Variants in PTPRD observed in about 807,000 individuals in gnomAD.
PTPRD encodes protein tyrosine phosphatase receptor type D, also known as receptor-type tyrosine-protein phosphatase delta.
A neutral mutation model predicts 214.5 loss-of-function variants in PTPRD; 34 were observed. The ratio of observed to expected loss-of-function variants is 0.16; its 90% CI spans 0.12 to 0.21. The LOEUF is 0.21. Among genes scored for constraint, PTPRD ranks in the 10% least tolerant of loss-of-function variants. The pLI is 1.00. For synonymous variants in PTPRD, 1,128 were observed against 845.7 expected, an observed-to-expected ratio of 1.33 and a Z score of -5.79; for missense variants, 2,545 against 2,398.7, an observed-to-expected ratio of 1.06 and a Z score of -1.27.
intron 2 of PTPRD, among the ~76,000 whole-genome samples, chr9:10,411,435 T>C (rs968699224): frequency 2.0e-5 from 3 of 151,804 alleles, no homozygotes; most frequent in Non-Finnish European, 2.9e-5. Context: ...ACATGTTTAA[T>C]TTCTCCTTCA....
intron 33 of PTPRD, among the ~76,000 whole-genome samples, chr9:8,454,811 A>AGTGTGTGTGTGTGTGTGTGTGT (rs3043784): frequency 1.3e-5 from 2 of 148,644 alleles, no homozygotes; most frequent in African/African-American, 4.9e-5. Flanking sequence ...CTGAATACAT[A>AGTGTGTGTGTGTGTGTGTGTGT]GTGTGTGTGT....
In PTPRD at chr9:9,599,537, G is replaced by A. The variant is rs1445931715; in HGVS notation, c.-286-24756C>T. ...TCTGGAACTTTTTACCTTGGCTGGT[G>A]TTACTCATTCTATTCTTCAGGTATC... On this transcript the variant is annotated intron_variant, in intron 7 of 45. Coordinates refer to ENST00000381196, the MANE Select transcript of PTPRD (RefSeq NM_002839.4). Among the ~76,000 whole-genome samples, 4 of 152,110 alleles carry A rather than the reference G, an allele frequency of 2.6e-5. No homozygotes were observed. The East Asian group carries it at 7.8e-4, about 30-fold the overall frequency.
chr9:10,545,993 A>G (rs17791893), intron 2 of PTPRD, among the ~76,000 whole-genome samples: 2,815 of 152,240 alleles, frequency 0.018, 33 homozygotes, highest in Non-Finnish European at 0.03. Context: ...TATAAGAAGT[A>G]GTGCAAACAA....
At chr9:10,129,508 T>C (rs1309148454) in intron 3 of PTPRD, among the ~76,000 whole-genome samples, 1 of 150,408 alleles carries the variant, frequency 6.6e-6, no homozygotes, top group African/African-American at 2.4e-5. Flanking sequence ...CCTTTTTTTT[T>C]TTTTTTTTCT....
At chr9:10,492,692 T>C (rs1361690942) in intron 2 of PTPRD, among the ~76,000 whole-genome samples, 1 of 152,136 alleles carries the variant, frequency 6.6e-6, no homozygotes, top group Non-Finnish European at 1.5e-5. Flanking sequence ...GACTTTCTTT[T>C]GATGTGCAGA....
At chr9:9,099,965 G>A (rs779709157) in intron 10 of PTPRD, among the ~76,000 whole-genome samples, 7 of 152,098 alleles carry the variant, frequency 4.6e-5, no homozygotes, top group South Asian at 2.1e-4. Context: ...AGTGTGTGAC[G>A]TTAATATGCA....
rs182392852 is a variant in PTPRD at position 9,568,668 on chromosome 9, A to G, written c.-237+6064T>C. ...CTCTATGACGTTTACACATTTTTTTAAACGATAATCAGATGCTATGTCCCT... is the reference window on the plus strand; with the variant it reads ...CTCTATGACGTTTACACATTTTTTTGAACGATAATCAGATGCTATGTCCCT... On this transcript the variant is annotated intron_variant, in intron 8 of 45. Coordinates refer to ENST00000381196, the MANE Select transcript of PTPRD (RefSeq NM_002839.4). Among the ~76,000 whole-genome samples the G allele has an allele frequency of 2.2e-4, 34 of 152,018 alleles. 1 individual carries two copies. Among genetic ancestry groups the G allele is most frequent in the African/African-American group, 7.7e-4 (32 of 41,528 alleles).
At chr9:8,402,730 C>T (rs969221407) in intron 36 of PTPRD, among the ~76,000 whole-genome samples, 26 of 151,786 alleles carry the variant, frequency 1.7e-4, no homozygotes, top group African/African-American at 6.3e-4. Flanking sequence ...AAATGGAAAA[C>T]ATAGAGATAA....
At chr9:10,110,354 C>T (rs1157401175) in intron 3 of PTPRD, among the ~76,000 whole-genome samples, 1 of 152,094 alleles carries the variant, frequency 6.6e-6, no homozygotes, top group African/African-American at 2.4e-5. Context: ...GTCTTAGGTT[C>T]GGTCCTTTCT....
intron 2 of PTPRD, among the ~76,000 whole-genome samples, chr9:10,356,384 T>C (rs1211120968): frequency 6.6e-6 from 1 of 152,210 alleles, no homozygotes; most frequent in Non-Finnish European, 1.5e-5. Context: ...ATTGGTTTGT[T>C]CTATATACTC....
At chr9:10,203,392 C>G (rs1313062386) in intron 3 of PTPRD, among the ~76,000 whole-genome samples, 2 of 151,960 alleles carry the variant, frequency 1.3e-5, no homozygotes, top group Non-Finnish European at 2.9e-5. Flanking sequence ...TTTTATACTA[C>G]AGTTTGTCAG....
chr9:10,592,016 T>G (rs1004855794), intron 2 of PTPRD, among the ~76,000 whole-genome samples: 1 of 152,116 alleles, frequency 6.6e-6, no homozygotes, highest in Non-Finnish European at 1.5e-5. Context: ...TTTTTAGTTG[T>G]TTTAAGTCAC....
Position 8,718,122 on chromosome 9 carries a change from C to A in PTPRD, c.64+15658G>T, listed in dbSNP as rs941416638. 2.0e-5 allele frequency among the ~76,000 whole-genome samples: 3 copies of A among 152,146 alleles called. No individual in the cohort carries two copies. The South Asian group carries it at 6.2e-4, about 32-fold the overall frequency. On this transcript the variant is annotated intron_variant, in intron 12 of 45. Transcript: ENST00000381196. ...GTAAGAAAGGGAGAAGGGGAGAATG[C>A]TTGTAAAGCTGGAAAATCAGAAAGC...
intron 2 of PTPRD, among the ~76,000 whole-genome samples, chr9:10,519,257 C>CAAAAAAAAA (rs35808416): frequency 4.2e-5 from 3 of 71,462 alleles, no homozygotes; most frequent in Admixed American, 2.1e-4. Context: ...ATTTCCTCCA[C>CAAAAAAAAA]AAAAAAAAAA....
chr9:8,938,547 T>C (rs941863581), intron 11 of PTPRD, among the ~76,000 whole-genome samples: 4 of 152,136 alleles, frequency 2.6e-5, no homozygotes, highest in Non-Finnish European at 4.4e-5. Context: ...TAATATTTAG[T>C]ATAGCACATA....
At chr9:8,432,019 C>T (rs2095089704) in intron 35 of PTPRD, among the ~76,000 whole-genome samples, 1 of 152,180 alleles carries the variant, frequency 6.6e-6, no homozygotes, top group African/African-American at 2.4e-5. Context: ...TGTTATTGGT[C>T]TATTCAGGGA....
At chr9:8,322,783 T>C (rs554076918) in intron 44 of PTPRD, among the ~76,000 whole-genome samples, 4 of 152,308 alleles carry the variant, frequency 2.6e-5, no homozygotes, top group East Asian at 3.9e-4. Context: ...TTGGAAGAAG[T>C]TGTCATCTAA....
chr9:9,923,141 T>TGTGA (rs2153884232), intron 5 of PTPRD, among the ~76,000 whole-genome samples: 1 of 151,098 alleles, frequency 6.6e-6, no homozygotes, highest in Admixed American at 6.6e-5. Context: ...TGTGTGTGTG[T>TGTGA]GTGTGTGTAT....
intron 10 of PTPRD, among the ~76,000 whole-genome samples, chr9:9,044,049 T>C (rs2099659419): frequency 1.3e-5 from 2 of 152,190 alleles, no homozygotes; most frequent in South Asian, 2.1e-4. Context: ...CTAATGTTAC[T>C]CTTAGGAAGT....
Sources: gnomAD v4.1 joint callset for allele counts (sites outside exome capture counted in the v4.1 genomes callset) on GRCh38, gnomAD v4.1.1 for gene constraint, MANE v1.5 for transcripts, NCBI Gene and HGNC (gene_info 2026-07-23, HGNC 2026-07-21) for gene names.